Variants in ABCC1 observed in about 807,000 individuals in gnomAD.
The protein encoded by ABCC1 is ATP binding cassette subfamily C member 1 (ABCC1 blood group).
Under a neutral mutation model 172.9 loss-of-function variants are expected in ABCC1, and 83 were observed. The observed-to-expected ratio is 0.48, with a 90% CI of 0.40 to 0.58. ABCC1 has a LOEUF of 0.58. Ranked by LOEUF, ABCC1 falls within the 20% of genes least tolerant of loss-of-function variation. The pLI is 0.00. For synonymous variants in ABCC1, 937 were observed against 825.2 expected (o/e 1.14, Z -2.32); for missense variants, 1,817 against 2,002.7 (o/e 0.91, Z 1.77).
At chr16:16,075,452 C>T (rs898562499) in intron 14 of ABCC1, among the ~76,000 whole-genome samples, 1 of 151,756 alleles carries the variant, frequency 6.6e-6, no homozygotes, top group Admixed American at 6.6e-5. Context: ...TGTCAAGACC[C>T]CACCTCTACA....
rs142564578 is a variant in ABCC1, at chr16:16,033,181, G to GCAGGC, written c.677+12_677+13insAGGCC. On this transcript the variant is annotated intron_variant, in intron 6 of 30. Coordinates refer to ENST00000399410, the MANE Select transcript of ABCC1 (RefSeq NM_004996.4). ...CTGGTGGATCACAGGGTAAGGCCAG[G>GCAGGC]CCCCCCAGACCTCAGGGAGGTGGTG... 1 of 1,613,280 alleles carries GCAGGC rather than the reference G, an allele frequency of 6.2e-7. No individual in the cohort carries two copies. The highest frequency in any genetic ancestry group is 1.3e-5 in the African/African-American group (1 of 74,892).
chr16:16,119,524 C>T (rs2045057890), intron 23 of ABCC1, among the ~76,000 whole-genome samples: 2 of 152,032 alleles, frequency 1.3e-5, no homozygotes, highest in Non-Finnish European at 2.9e-5. Flanking sequence ...AACCCCATCT[C>T]TACTAAAAAT....
At chr16:16,052,160 T>A (rs1489864638) in intron 10 of ABCC1, among the ~76,000 whole-genome samples, 1 of 151,902 alleles carries the variant, frequency 6.6e-6, no homozygotes, top group Admixed American at 6.6e-5. Flanking sequence ...GCCCAGGAGA[T>A]CGAGAGCAGT....
intron 17 of ABCC1, among the ~76,000 whole-genome samples, chr16:16,084,768 C>CT (rs1232086258): frequency 6.6e-6 from 1 of 152,108 alleles, no homozygotes; most frequent in African/African-American, 2.4e-5. Context: ...CTACAGGCCC[C>CT]TGCCACCACG....
chr16:16,071,878 T>C, intron 14 of ABCC1, 149 bp downstream of exon 14: 1 of 688,326 alleles, frequency 1.5e-6, no homozygotes, highest in Non-Finnish European at 2.5e-6. Context: ...ACAAGGGTTC[T>C]GCAGAGCCTG....
chr16:16,054,740 G>C (rs2049578391), intron 11 of ABCC1, among the ~76,000 whole-genome samples: 1 of 152,150 alleles, frequency 6.6e-6, no homozygotes, highest in Non-Finnish European at 1.5e-5. Context: ...CTTCCCATCT[G>C]TGACCCGGGG....
chr16:16,080,382 C>A (rs1007425238), intron 16 of ABCC1, among the ~76,000 whole-genome samples: 5 of 152,166 alleles, frequency 3.3e-5, no homozygotes, highest in Non-Finnish European at 4.4e-5. Context: ...TAAAAGAAGA[C>A]TGCAGTTTTA....
At chr16:16,038,857 T>C (rs764162466) in intron 7 of ABCC1, among the ~76,000 whole-genome samples, 79 of 152,160 alleles carry the variant, frequency 5.2e-4, no homozygotes, top group Admixed American at 1.3e-3. Context: ...CCCACCTTTG[T>C]GTCCCCTGGA....
At chr16:16,072,082 G>A (rs1484951725) in intron 14 of ABCC1, among the ~76,000 whole-genome samples, 1 of 152,130 alleles carries the variant, frequency 6.6e-6, no homozygotes, top group Non-Finnish European at 1.5e-5. Flanking sequence ...AGGCTGGCCA[G>A]CCTCCATCAC....
chr16:16,132,506 G>GTTTTTT (rs1567441293), intron 27 of ABCC1, among the ~76,000 whole-genome samples: 10 of 100,948 alleles, frequency 9.9e-5, no homozygotes, highest in African/African-American at 2.1e-4. Flanking sequence ...TTTTTTGGTT[G>GTTTTTT]GTTGTTTTTT....
intron 23 of ABCC1, among the ~76,000 whole-genome samples, chr16:16,120,784 A>C (rs147518086): frequency 6.6e-6 from 1 of 152,118 alleles, no homozygotes; most frequent in East Asian, 1.9e-4. Context: ...TGGCAACTCT[A>C]ACAGCGCTGG....
intron 5 of ABCC1, among the ~76,000 whole-genome samples, chr16:16,030,066 A>G (rs918397976): frequency 6.6e-6 from 1 of 152,160 alleles, no homozygotes; most frequent in African/African-American, 2.4e-5. Flanking sequence ...TGTTTTCCTC[A>G]GGGAAGCCTT....
intron 12 of ABCC1, among the ~76,000 whole-genome samples, chr16:16,066,681 T>C (rs372400834): frequency 2.0e-5 from 3 of 150,540 alleles, no homozygotes; most frequent in East Asian, 4.1e-4. Flanking sequence ...GACGGATCAC[T>C]TGAGGCCAGG....
chr16:15,978,395 TAAAC>T (rs1279674975), intron 1 of ABCC1, among the ~76,000 whole-genome samples: 3 of 151,120 alleles, frequency 2.0e-5, no homozygotes, highest in East Asian at 1.9e-4. Flanking sequence ...AACAAACAAA[TAAAC>T]AAAAAACAGG....
Position 16,107,412 on chromosome 16 carries a change from C to T in ABCC1, c.2871+539C>T, listed in dbSNP as rs541305398. ...TCAAGCAGTTTTCCTGCCTCAGCCT[C>T]CTGAGTAGCTGGGATTACAGAAACT... On this transcript the variant is annotated intron_variant, in intron 21 of 30. Transcript: ENST00000399410. Among the ~76,000 whole-genome samples, 45 of 152,206 alleles carry T rather than the reference C, an allele frequency of 3.0e-4. No homozygotes were observed. In the East Asian group the frequency reaches 8.5e-3, roughly 29 times the overall value.
chr16:16,076,646 C>T, intron 15 of ABCC1, among the ~76,000 whole-genome samples: 1 of 152,202 alleles, frequency 6.6e-6, no homozygotes, highest in Admixed American at 6.5e-5. Context: ...CAGCCTTGGA[C>T]AGCTAGACTT....
intron 30 of ABCC1, among the ~76,000 whole-genome samples, chr16:16,140,923 C>T (rs1488530143): frequency 6.6e-6 from 1 of 152,178 alleles, no homozygotes; most frequent in African/African-American, 2.4e-5. Flanking sequence ...TGTGAACAGT[C>T]AACACTGTTA....
intron 23 of ABCC1, 32 bp downstream of exon 23, chr16:16,115,108 G>A: frequency 6.3e-7 from 1 of 1,599,316 alleles, no homozygotes; most frequent in Non-Finnish European, 8.6e-7. Flanking sequence ...TTCGGGACAA[G>A]CCCTACTGTG....
At chr16:16,101,063 G>T (rs950162176) in intron 19 of ABCC1, among the ~76,000 whole-genome samples, 2 of 150,082 alleles carry the variant, frequency 1.3e-5, no homozygotes, top group Non-Finnish European at 1.5e-5. Context: ...ACAGAGTCTC[G>T]CTCTGTCACC....
Sources: allele counts gnomAD v4.1 joint callset (sites outside exome capture counted in the v4.1 genomes callset), GRCh38; gene constraint gnomAD v4.1.1; transcripts MANE v1.5; gene names NCBI Gene and HGNC (gene_info 2026-07-23, HGNC 2026-07-21).